ACCSL: variants seen among roughly 807,000 people sequenced by gnomAD.
The protein encoded by ACCSL is probable inactive 1-aminocyclopropane-1-carboxylate synthase-like protein 2.
In ACCSL, 55 loss-of-function variants were observed where a neutral mutation model predicts 61.7. That is an observed-to-expected ratio of 0.89 (90% CI 0.72 to 1.12). The LOEUF is 1.12. Among genes scored for constraint, ACCSL ranks in the 50% most tolerant of loss-of-function variants. ACCSL has a pLI of 0.00. For missense variants in ACCSL, 632 were observed against 698.0 expected, an observed-to-expected ratio of 0.91 and a Z score of 1.07; for synonymous variants, 258 against 264.3, an observed-to-expected ratio of 0.98 and a Z score of 0.23.
the ACCSL span, among the ~76,000 whole-genome samples, chr11:43,998,594 G>A: frequency 6.6e-6 from 1 of 152,070 alleles, no homozygotes; most frequent in Non-Finnish European, 1.5e-5. Context: ...GGGTTCAGTG[G>A]GTTTGGCAAA....
the ACCSL span, among the ~76,000 whole-genome samples, chr11:43,954,745 C>A: frequency 1.3e-5 from 2 of 152,056 alleles, no homozygotes; most frequent in South Asian, 4.2e-4. Flanking sequence ...CCACCACACC[C>A]GGCTAATTTT....
At chr11:43,958,634 A>G in the ACCSL span, among the ~76,000 whole-genome samples, 1 of 152,212 alleles carries the variant, frequency 6.6e-6, no homozygotes. Flanking sequence ...TTACACATTC[A>G]GTCTATCGGA....
At chr11:43,972,012 T>A in the ACCSL span, among the ~76,000 whole-genome samples, 3 of 152,240 alleles carry the variant, frequency 2.0e-5, no homozygotes, top group African/African-American at 7.2e-5. Context: ...TGATAGACTC[T>A]GAGCTCTGAG....
intron 7 of ACCSL, 57 bp downstream of exon 7, chr11:44,053,125 G>A (rs1952650265): frequency 6.7e-7 from 1 of 1,491,674 alleles, no homozygotes. Flanking sequence ...AGGGGTTTGA[G>A]TATTGAAATT....
the ACCSL span, among the ~76,000 whole-genome samples, chr11:44,007,602 C>T: frequency 2.0e-5 from 3 of 152,232 alleles, no homozygotes; most frequent in African/African-American, 7.2e-5. Flanking sequence ...AGCAAAGGCA[C>T]CTAAGTATAG....
At chr11:43,957,319 AG>A in the ACCSL span, among the ~76,000 whole-genome samples, 13 of 146,342 alleles carry the variant, frequency 8.9e-5, no homozygotes, top group African/African-American at 2.5e-4. Context: ...GGGTGGGAGG[AG>A]GGGGGTTCCA....
At chr11:43,953,550 A>G in the ACCSL span, among the ~76,000 whole-genome samples, 1 of 151,714 alleles carries the variant, frequency 6.6e-6, no homozygotes, top group Non-Finnish European at 1.5e-5. Context: ...AGGATGAGGT[A>G]AAAAGCCGGC....
At chr11:44,016,443 T>C in the ACCSL span, among the ~76,000 whole-genome samples, 529 of 152,292 alleles carry the variant, frequency 3.5e-3, 2 homozygotes, top group African/African-American at 0.012. Context: ...GATGCTCAGC[T>C]AGACTACAAC....
the ACCSL span, among the ~76,000 whole-genome samples, chr11:44,030,611 G>C: frequency 1.3e-5 from 2 of 152,088 alleles, no homozygotes; most frequent in South Asian, 2.1e-4. Context: ...TGTGTCCCTT[G>C]CTAATTTATC....
the ACCSL span, among the ~76,000 whole-genome samples, chr11:43,936,141 A>G: frequency 1.3e-5 from 2 of 152,202 alleles, no homozygotes; most frequent in Non-Finnish European, 2.9e-5. Flanking sequence ...CCCGAGGGCC[A>G]CGTTTGGGCA....
the ACCSL span, among the ~76,000 whole-genome samples, chr11:44,015,674 A>G: frequency 6.6e-6 from 1 of 152,178 alleles, no homozygotes; most frequent in Non-Finnish European, 1.5e-5. Context: ...ATACTTCTCC[A>G]ATAAGAATGC....
chr11:44,032,460 T>A, the ACCSL span, among the ~76,000 whole-genome samples: 1 of 152,318 alleles, frequency 6.6e-6, no homozygotes, highest in Non-Finnish European at 1.5e-5. Context: ...TCAGCAATGG[T>A]CCAGGCAGCT....
chr11:44,050,621 T>A lies in ACCSL; in HGVS notation c.634T>A (p.Phe212Ile). 1 of 1,613,848 alleles carries A rather than the reference T, an allele frequency of 6.2e-7. No homozygotes were observed. Among genetic ancestry groups the A allele is most frequent in the Non-Finnish European group, 8.5e-7 (1 of 1,179,894 alleles). The change falls in exon 3 of 14, where the codon TTC becomes ATC. Residue 212 changes from phenylalanine to isoleucine, a missense_variant and splice_region_variant. Phe to Ile is a conservative substitution (Grantham distance 21). Transcript: ENST00000378832. ...LQYPDWRGQP[F>I]LREEVARFLT... ...GTACCCTGATTGGAGAGGGCAGCCA[T>A]TGTAAGTGACCTTCAGATTTAGAGT...
chr11:43,976,422 T>C, the ACCSL span, among the ~76,000 whole-genome samples: 1 of 152,228 alleles, frequency 6.6e-6, no homozygotes, highest in Non-Finnish European at 1.5e-5. Flanking sequence ...ATTTTTATAT[T>C]TGAATGTATA....
chr11:44,051,736 T>C lies in ACCSL; in HGVS notation c.772+17T>C, dbSNP rs1442240381. The stretch of plus-strand genomic sequence containing the variant: ...ATCCAGGCGGTAAGTCAGTGGGCTC[T>C]CCTTTCACTCTCAGTGAAATACTAG... On this transcript the variant is annotated intron_variant, in intron 5 of 13. Transcript: ENST00000378832. The C allele has an allele frequency of 6.2e-7, 1 of 1,613,846 alleles. No homozygotes were observed. The highest frequency in any genetic ancestry group is 1.7e-5 in the Admixed American group (1 of 60,028).
chr11:44,052,726 G>T lies in ACCSL; in HGVS notation c.837G>T (p.Lys279Asn). The change falls in exon 6 of 14, where the codon AAG (lysine) becomes AAT (asparagine). Residue 279 changes from lysine to asparagine, a missense_variant. Lys to Asn is a moderately conservative substitution (Grantham distance 94). Coordinates refer to ENST00000378832, the MANE Select transcript of ACCSL (RefSeq NM_001031854.2). ...GFAFSSRLYA[K>N]VELIPVHLES... ...CCTTTAGCTCCCGCCTGTATGCAAA[G>T]GTTGAGTTGATTCCTGTCCACCTGG... 2 of 1,614,120 alleles carry T rather than the reference G, an allele frequency of 1.2e-6. No individual in the cohort carries two copies. Among genetic ancestry groups the T allele is most frequent in the Non-Finnish European group, 1.7e-6 (2 of 1,180,004 alleles).
the ACCSL span, among the ~76,000 whole-genome samples, chr11:43,932,814 C>T: frequency 1.5e-4 from 23 of 152,206 alleles, no homozygotes; most frequent in Non-Finnish European, 2.6e-4. Context: ...CCAGGCCATG[C>T]CAGGGAAGCT....
chr11:44,037,883 C>G, the ACCSL span, among the ~76,000 whole-genome samples: 57 of 151,726 alleles, frequency 3.8e-4, no homozygotes, highest in Non-Finnish European at 6.6e-4. Context: ...ATCCATCCAT[C>G]CATCCATCCA....
chr11:43,933,547 T>C, the ACCSL span: 65 of 166,840 alleles, frequency 3.9e-4, no homozygotes, highest in African/African-American at 1.5e-3. Flanking sequence ...GGGCCAAAAA[T>C]TGTGAGGGAT....
Sources: gnomAD v4.1 joint callset for allele counts (sites outside exome capture counted in the v4.1 genomes callset) on GRCh38, gnomAD v4.1.1 for gene constraint, MANE v1.5 for transcripts, NCBI Gene and HGNC (gene_info 2026-07-23, HGNC 2026-07-21) for gene names.